Variants in TP53BP1 observed in about 807,000 individuals in gnomAD.
TP53BP1 encodes the protein tumor protein p53 binding protein 1.
In TP53BP1, 61 loss-of-function variants were observed where a neutral mutation model predicts 200.8. That is an observed-to-expected ratio of 0.30 (90% confidence interval 0.25 to 0.38). The LOEUF (loss-of-function observed/expected upper bound fraction) is 0.38. TP53BP1 is among the 10% of genes least tolerant of loss of function. TP53BP1 has a pLI of 1.00. For missense variants in TP53BP1, 2,144 were observed against 2,371.9 expected, an observed-to-expected ratio of 0.90 and a Z score of 2.00; for synonymous variants, 822 against 844.3, an observed-to-expected ratio of 0.97 and a Z score of 0.46.
intron 11 of TP53BP1, among the ~76,000 whole-genome samples, chr15:43,466,248 T>C (rs572366937): frequency 2.6e-5 from 4 of 152,142 alleles, no homozygotes; most frequent in Admixed American, 2.6e-4. Context: ...AGGGCAACAG[T>C]ACAGATTAGA....
At chr15:43,488,941 C>A (rs1348086418) in intron 4 of TP53BP1, among the ~76,000 whole-genome samples, 1 of 152,170 alleles carries the variant, frequency 6.6e-6, no homozygotes, top group Admixed American at 6.5e-5. Context: ...GGAATCAACT[C>A]CAAATTCTTT....
intron 14 of TP53BP1, among the ~76,000 whole-genome samples, chr15:43,444,558 C>G (rs2143004159): frequency 6.6e-6 from 1 of 152,294 alleles, no homozygotes; most frequent in South Asian, 2.1e-4. Context: ...TGTATCCCGG[C>G]TACTCCATTT....
intron 8 of TP53BP1, 107 bp downstream of exon 8, chr15:43,477,486 A>G: frequency 9.0e-7 from 1 of 1,112,388 alleles, no homozygotes; most frequent in Non-Finnish European, 1.2e-6. Context: ...ATCACAAACA[A>G]GTCTGCAAAC....
chr15:43,490,452 G>C (rs1409459073), intron 4 of TP53BP1, among the ~76,000 whole-genome samples: 1 of 151,184 alleles, frequency 6.6e-6, no homozygotes, highest in Non-Finnish European at 1.5e-5. Context: ...TCAAACTCCT[G>C]GGCTCAAGTG....
rs1163973435 is a variant in TP53BP1, at chr15:43,456,530, G to A, written c.2078C>T (p.Pro693Leu). 8 of 1,607,798 alleles carry A rather than the reference G, an allele frequency of 5.0e-6. No individual in the cohort carries two copies. The highest frequency in any genetic ancestry group is 2.2e-5 in the East Asian group (1 of 44,866). The change falls in exon 12 of 28, where the codon CCG (proline) becomes CTG (leucine). Residue 693 changes from proline (P) to leucine (L), a missense_variant. Physicochemically the swap from Pro to Leu is moderately conservative, Grantham distance 98 (BLOSUM62 -3). This residue lies in a region of TP53BP1 where 1,700 missense variants were observed against 1,710.3 expected (regional missense o/e 0.99). Transcript: ENST00000382044. ...AGTTTCAGTCAGAGAAAGGTGCAACGGAACACTCTCCATATTTTCTTCTTT... is the reference window on the plus strand; with the variant it reads ...AGTTTCAGTCAGAGAAAGGTGCAACAGAACACTCTCCATATTTTCTTCTTT... ...ELKEENMESV[P>L]LHLSLTETQS...
chr15:43,431,127 A>G (rs978054648), intron 17 of TP53BP1, among the ~76,000 whole-genome samples: 2 of 152,186 alleles, frequency 1.3e-5, no homozygotes, highest in Non-Finnish European at 2.9e-5. Flanking sequence ...GAGGATTCAT[A>G]TCCTAGCCAG....
intron 21 of TP53BP1, among the ~76,000 whole-genome samples, chr15:43,418,236 G>A (rs566060993): frequency 3.4e-5 from 5 of 145,112 alleles, no homozygotes; most frequent in African/African-American, 7.7e-5. Flanking sequence ...GGTGGCTCAC[G>A]TCTGTAATCC....
chr15:43,413,408 C>G, intron 23 of TP53BP1, 74 bp from the exon 24 acceptor site: 1 of 1,255,672 alleles, frequency 8.0e-7, no homozygotes, highest in Non-Finnish European at 1.1e-6. Flanking sequence ...CACCAAAAGG[C>G]CCCAGCACCA....
intron 14 of TP53BP1, among the ~76,000 whole-genome samples, chr15:43,444,469 A>C (rs1282233369): frequency 6.6e-6 from 1 of 152,178 alleles, no homozygotes; most frequent in Non-Finnish European, 1.5e-5. Flanking sequence ...GTAATACTTT[A>C]ACTCAGTCTA....
intron 14 of TP53BP1, among the ~76,000 whole-genome samples, chr15:43,446,045 T>TAC (rs1255777050): frequency 6.6e-6 from 1 of 152,218 alleles, no homozygotes; most frequent in East Asian, 1.9e-4. Context: ...ATTCTAGCCC[T>TAC]ACCAAACAAC....
chr15:43,452,669 A>C (rs1302955707), intron 12 of TP53BP1, among the ~76,000 whole-genome samples: 1 of 152,320 alleles, frequency 6.6e-6, no homozygotes, highest in East Asian at 1.9e-4. Context: ...CTATTTTCCA[A>C]CCACTGTCTT....
intron 12 of TP53BP1, among the ~76,000 whole-genome samples, chr15:43,449,022 G>A (rs1253784055): frequency 6.9e-6 from 1 of 145,552 alleles, no homozygotes; most frequent in Non-Finnish European, 1.5e-5. Flanking sequence ...AGCTACTCAG[G>A]AGGCTGAGGC....
upstream of TP53BP1, among the ~76,000 whole-genome samples, chr15:43,497,923 A>G (rs1485077727): frequency 1.3e-5 from 2 of 152,226 alleles, no homozygotes; most frequent in Non-Finnish European, 2.9e-5. Flanking sequence ...AAGTTTTTCA[A>G]TGAGACTAAA....
intron 16 of TP53BP1, among the ~76,000 whole-genome samples, chr15:43,436,464 ATTTAT>A (rs1188792585): frequency 8.5e-6 from 1 of 117,752 alleles, no homozygotes; most frequent in African/African-American, 2.6e-5. Context: ...ATAAGATACT[ATTTAT>A]TTATTTATTT....
upstream of TP53BP1, among the ~76,000 whole-genome samples, chr15:43,495,327 G>A (rs1187725408): frequency 1.3e-5 from 2 of 149,846 alleles, no homozygotes; most frequent in Non-Finnish European, 3.0e-5. Flanking sequence ...GTGAAACCCC[G>A]CCTCTACTAA....
At chr15:43,429,545 A>AT (rs11379278) in intron 17 of TP53BP1, among the ~76,000 whole-genome samples, 43,214 of 151,962 alleles carry the variant, frequency 0.28, 10,441 homozygotes, top group African/African-American at 0.66. Flanking sequence ...GTAATTCTGC[A>AT]TTTTTTTCCT....
At position 43,509,190 on chromosome 15, in the gene TP53BP1, G is replaced by GT. The variant is rs989646702; in HGVS notation, c.-9+1179_-9+1180insA. ...TTTTCCAGATTCAGATCCACAAACG[G>GT]GGGGGGGGGGGGCAGAGGTACAGCG... On this transcript the variant is annotated intron_variant, in intron 1 of 27. Coordinates refer to the TP53BP1 transcript ENST00000263801. Among the ~76,000 whole-genome samples, 143 of 104,232 alleles carry GT rather than the reference G, an allele frequency of 1.4e-3. 6 individuals are homozygous for GT. The highest frequency in any genetic ancestry group is 5.5e-4 in the Non-Finnish European group (28 of 50,788). The allele number at this position is 104,232 out of a possible 152,430, so 68.4% of individuals were successfully genotyped here.
At chr15:43,509,953 T>C (rs1455616713) in intron 1 of TP53BP1, among the ~76,000 whole-genome samples, 1 of 152,060 alleles carries the variant, frequency 6.6e-6, no homozygotes, top group African/African-American at 2.4e-5. Context: ...TGATTCGGTA[T>C]CCTGGGTAAA....
At position 43,408,129 on chromosome 15, in the gene TP53BP1, TATCCAACA is replaced by T. The variant is rs749963265; in HGVS notation, c.5601-49_5601-42del. ...GAAAGGACCTTAGCATGACAAGTAA[TATCCAACA>T]AACTGCCTTTCTGCAAAGGGACTCA... On this transcript the variant is annotated intron_variant, in intron 26 of 27. Coordinates refer to ENST00000382044, the MANE Select transcript of TP53BP1 (RefSeq NM_001141980.3). 15 of 1,595,782 alleles carry T rather than the reference TATCCAACA, an allele frequency of 9.4e-6. No individual in the cohort carries two copies. In the South Asian group the frequency reaches 1.6e-4, roughly 17 times the overall value.
Sources: allele counts gnomAD v4.1 joint callset (sites outside exome capture counted in the v4.1 genomes callset), GRCh38; gene constraint gnomAD v4.1.1; regional missense constraint gnomAD v4.1.1; transcripts MANE v1.5; gene names NCBI Gene and HGNC (gene_info 2026-07-23, HGNC 2026-07-21).